SH3GLB2: variants seen among roughly 807,000 people sequenced by gnomAD.
SH3GLB2 encodes SH3 domain containing GRB2 like, endophilin B2.
SH3GLB2 carries 24 observed loss-of-function variants against 48.0 expected under a neutral mutation model. The ratio of observed to expected loss-of-function variants is 0.50; its 90% CI spans 0.36 to 0.70. The LOEUF is 0.70. Ranked by LOEUF, SH3GLB2 falls within the 30% of genes least tolerant of loss-of-function variation. The probability of loss-of-function intolerance (pLI) is 0.00; values close to 1 mark genes in which losing one functional copy is unlikely to be tolerated. For synonymous variants in SH3GLB2, 227 were observed against 207.6 expected, an observed-to-expected ratio of 1.09 and a Z score of -0.80; for missense variants, 425 against 516.0, an observed-to-expected ratio of 0.82 and a Z score of 1.71.
chr9:129,026,162 G>T (rs1844150051), intron 1 of SH3GLB2, among the ~76,000 whole-genome samples: 1 of 152,136 alleles, frequency 6.6e-6, no homozygotes, highest in Non-Finnish European at 1.5e-5. Context: ...CATACAAAAG[G>T]GATCCTGCCC....
At chr9:129,027,734 C>A (rs1844244136) in intron 1 of SH3GLB2, among the ~76,000 whole-genome samples, 1 of 152,252 alleles carries the variant, frequency 6.6e-6, no homozygotes, top group Non-Finnish European at 1.5e-5. Context: ...GGACCCAGGT[C>A]GCTAAATGCC....
chr9:129,022,345 T>TGTCTGCCC lies in SH3GLB2; in HGVS notation c.134_141dup (p.Ser48GlyfsTer13). 1 of 1,614,198 alleles carries TGTCTGCCC rather than the reference T, an allele frequency of 6.2e-7. No individual in the cohort carries two copies. On this transcript the variant is annotated frameshift_variant, in exon 2 of 11. Transcript: ENST00000372564. LOFTEE classifies it high-confidence loss of function. ...ATCTTCTCTGTCCAGTTCTTGGTGC[T>TGTCTGCCC]GTCTGCCCGGGCCAGAAGGTTTTCA...
chr9:129,022,491 G>A (rs1384841343), intron 1 of SH3GLB2, 68 bp from the exon 2 acceptor site: 4 of 1,417,094 alleles, frequency 2.8e-6, no homozygotes, highest in South Asian at 1.2e-5. Flanking sequence ...GAGTGGTGGG[G>A]AAAGGGAGGA....
chr9:129,025,693 T>C (rs533564289), intron 1 of SH3GLB2, among the ~76,000 whole-genome samples: 1 of 151,562 alleles, frequency 6.6e-6, no homozygotes, highest in Admixed American at 6.6e-5. Context: ...GGAGCTACCC[T>C]GATGGTACCA....
chr9:129,018,686 GT>G (rs1174089633), intron 3 of SH3GLB2, among the ~76,000 whole-genome samples: 5 of 151,060 alleles, frequency 3.3e-5, no homozygotes, highest in African/African-American at 1.2e-4. Flanking sequence ...GAGGTCAGGA[GT>G]TCAAGACCAG....
At chr9:129,010,343 G>T in intron 7 of SH3GLB2, 134 bp from the exon 8 acceptor site, 2 of 744,684 alleles carry the variant, frequency 2.7e-6, no homozygotes, top group Non-Finnish European at 4.5e-6. Context: ...GTCTATGCCT[G>T]ACTTCACACC....
At chr9:129,028,008 C>T (rs1844264065) in intron 1 of SH3GLB2, 84 bp downstream of exon 1, 2 of 1,331,394 alleles carry the variant, frequency 1.5e-6, no homozygotes, top group Admixed American at 2.8e-5. Flanking sequence ...AGGGCTTTCC[C>T]GCGTCCCCAG....
rs1008540793 is a variant in SH3GLB2 at position 129,016,737 on chromosome 9, G to A, written c.335-1833C>T. On this transcript the variant is annotated intron_variant, in intron 3 of 10. Transcript: ENST00000372564. ...ATGCAGTAACCACGAGAGAGTTAAC[G>A]TGGCTATACTACTACCAGACAAAAT... Among the ~76,000 whole-genome samples the A allele has an allele frequency of 6.6e-5, 10 of 151,970 alleles. 1 individual carries two copies. In the South Asian group the frequency reaches 1.2e-3, roughly 19 times the overall value.
intron 7 of SH3GLB2, chr9:129,010,424 C>T: frequency 1.6e-6 from 1 of 636,936 alleles, no homozygotes; most frequent in Non-Finnish European, 2.8e-6. Context: ...ACAGACCCTT[C>T]CTCCATCACC....
At chr9:129,009,535 T>G (rs1842978449) in intron 9 of SH3GLB2, 189 bp from the exon 10 acceptor site, 2 of 1,547,656 alleles carry the variant, frequency 1.3e-6, no homozygotes, top group Non-Finnish European at 1.7e-6. Flanking sequence ...GTCCCTGCCA[T>G]CCTCCCCACC....
chr9:129,008,143 G>C lies in SH3GLB2; in HGVS notation c.*541C>G, dbSNP rs896366646. ...GGTGAAGACTGCGGCCGCTGGACTT[G>C]GCTTGAGCTGTGAGGGGTGGGAGGG... On this transcript the variant is annotated 3_prime_UTR_variant, in exon 11 of 11. Coordinates refer to ENST00000372564, the MANE Select transcript of SH3GLB2 (RefSeq NM_020145.4). 2 of 159,486 alleles carry C rather than the reference G, an allele frequency of 1.3e-5. No individual in the cohort carries two copies. Among genetic ancestry groups the C allele is most frequent in the South Asian group, 1.8e-4 (1 of 5,646 alleles). The allele number at this position is 159,486 out of a possible 1,614,324, so 9.9% of individuals were successfully genotyped here.
At chr9:129,024,753 G>C (rs568860475) in intron 1 of SH3GLB2, among the ~76,000 whole-genome samples, 1 of 150,524 alleles carries the variant, frequency 6.6e-6, no homozygotes, top group Admixed American at 6.6e-5. Flanking sequence ...GGCGGATCAC[G>C]AGGTCAGGAG....
At chr9:129,027,534 C>T (rs1721718420) in intron 1 of SH3GLB2, among the ~76,000 whole-genome samples, 1 of 152,180 alleles carries the variant, frequency 6.6e-6, no homozygotes, top group Non-Finnish European at 1.5e-5. Flanking sequence ...TCTCTCCATC[C>T]CCCAGGCCCA....
At chr9:129,027,467 ACTT>A (rs1844225525) in intron 1 of SH3GLB2, among the ~76,000 whole-genome samples, 1 of 152,068 alleles carries the variant, frequency 6.6e-6, no homozygotes. Context: ...AACGGATAGG[ACTT>A]CTTCCAATCT....
intron 5 of SH3GLB2, 34 bp from the exon 6 acceptor site, chr9:129,012,332 T>G (rs1588312700): frequency 8.0e-7 from 1 of 1,254,622 alleles, no homozygotes; most frequent in Non-Finnish European, 1.0e-6. Flanking sequence ...GGGGAGGGGG[T>G]CACCCTGGGC....
intron 3 of SH3GLB2, chr9:129,015,883 A>G (rs1359237204): frequency 1.5e-5 from 5 of 322,982 alleles, no homozygotes; most frequent in African/African-American, 1.1e-4. Context: ...AAAAGAAAAG[A>G]AAAGAAAAAA....
chr9:129,013,291 G>A (rs1306431157), intron 5 of SH3GLB2: 1 of 516,204 alleles, frequency 1.9e-6, no homozygotes, highest in Non-Finnish European at 3.5e-6. Flanking sequence ...ACCCCAGGAT[G>A]TGAGGTTGTC....
chr9:129,022,731 G>A (rs1045271195), intron 1 of SH3GLB2, among the ~76,000 whole-genome samples: 8 of 152,226 alleles, frequency 5.3e-5, no homozygotes, highest in African/African-American at 1.7e-4. Context: ...TTAGTGCGGT[G>A]AGGAACCCTG....
intron 3 of SH3GLB2, among the ~76,000 whole-genome samples, chr9:129,019,534 G>A (rs933125786): frequency 6.6e-6 from 1 of 151,256 alleles, no homozygotes; most frequent in African/African-American, 2.4e-5. Flanking sequence ...GGTGAAACCC[G>A]GTCTCTGCTA....
Sources: gnomAD v4.1 joint callset for allele counts (sites outside exome capture counted in the v4.1 genomes callset) on GRCh38, gnomAD v4.1.1 for gene constraint, MANE v1.5 for transcripts, NCBI Gene and HGNC (gene_info 2026-07-23, HGNC 2026-07-21) for gene names.